The following AGBL4 variants were observed in gnomAD, a reference collection of about 807,000 sequenced individuals.
AGBL4 encodes the protein cytosolic carboxypeptidase 6.
In AGBL4, 58 loss-of-function variants were observed where a neutral mutation model predicts 66.4. The ratio of observed to expected loss-of-function variants is 0.87; its 90% CI spans 0.71 to 1.09. AGBL4 has a LOEUF of 1.09. Among genes scored for constraint, AGBL4 ranks in the 50% least tolerant of loss-of-function variants. The pLI is 0.00. For synonymous variants in AGBL4, 234 were observed against 222.9 expected (o/e 1.05, Z -0.44); for missense variants, 579 against 631.0 (o/e 0.92, Z 0.88).
At chr1:49,231,592 G>A (rs1373033744) in intron 4 of AGBL4, among the ~76,000 whole-genome samples, 1 of 152,148 alleles carries the variant, frequency 6.6e-6, no homozygotes, top group Non-Finnish European at 1.5e-5. Context: ...TCACCAGCCT[G>A]AATCTGATGC....
At chr1:49,932,660 A>G (rs185030351) in intron 1 of AGBL4, among the ~76,000 whole-genome samples, 4 of 152,226 alleles carry the variant, frequency 2.6e-5, no homozygotes, top group East Asian at 3.9e-4. Flanking sequence ...AGAAAGAATG[A>G]CAGCAGCAAA....
At chr1:49,981,586 A>C (rs1254360822) in intron 1 of AGBL4, among the ~76,000 whole-genome samples, 1 of 152,092 alleles carries the variant, frequency 6.6e-6, no homozygotes, top group Non-Finnish European at 1.5e-5. Context: ...CTATATATAA[A>C]TATGAAAGCA....
chr1:49,641,461 CAT>C (rs1189654548), intron 3 of AGBL4, among the ~76,000 whole-genome samples: 1 of 152,050 alleles, frequency 6.6e-6, no homozygotes, highest in African/African-American at 2.4e-5. Flanking sequence ...AACCTTATCA[CAT>C]GAGACTGCAA....
chr1:49,104,187 T>C (rs1645253044), intron 4 of AGBL4, among the ~76,000 whole-genome samples: 1 of 152,186 alleles, frequency 6.6e-6, no homozygotes, highest in Admixed American at 6.5e-5. Context: ...GTTCCTCCTC[T>C]GGGAGGCATT....
chr1:48,722,659 G>A (rs750400447), intron 6 of AGBL4, among the ~76,000 whole-genome samples: 1 of 152,154 alleles, frequency 6.6e-6, no homozygotes, highest in African/African-American at 2.4e-5. Flanking sequence ...AGAGAATAGA[G>A]GACTGGTAAC....
At chr1:48,666,783 C>T (rs1646195219) in intron 6 of AGBL4, among the ~76,000 whole-genome samples, 1 of 152,226 alleles carries the variant, frequency 6.6e-6, no homozygotes, top group African/African-American at 2.4e-5. Context: ...ATTATACTGT[C>T]TTCTAGGAAG....
At chr1:48,578,827 T>C (rs149763074) in intron 11 of AGBL4, among the ~76,000 whole-genome samples, 71 of 152,196 alleles carry the variant, frequency 4.7e-4, no homozygotes, top group African/African-American at 1.6e-3. Context: ...AGAGGTGAAA[T>C]GATTTAACCA....
chr1:49,697,558 C>G, intron 2 of AGBL4, 121 bp from the exon 3 acceptor site: 1 of 814,586 alleles, frequency 1.2e-6, no homozygotes, highest in Non-Finnish European at 1.8e-6. Flanking sequence ...CTTGAAGGTT[C>G]AGTGTTCACA....
intron 3 of AGBL4, among the ~76,000 whole-genome samples, chr1:49,293,411 A>C (rs1241612920): frequency 6.6e-6 from 1 of 152,210 alleles, no homozygotes; most frequent in Non-Finnish European, 1.5e-5. Flanking sequence ...GCCACTGGTC[A>C]CAGAGGTTTC....
chr1:49,551,561 T>A (rs1430914088), intron 3 of AGBL4, among the ~76,000 whole-genome samples: 4 of 152,188 alleles, frequency 2.6e-5, no homozygotes, highest in African/African-American at 9.7e-5. Context: ...GTGATTGTTG[T>A]TTCTCTTCTG....
At chr1:49,479,309 T>C (rs1392284276) in intron 3 of AGBL4, among the ~76,000 whole-genome samples, 2 of 151,960 alleles carry the variant, frequency 1.3e-5, no homozygotes, top group Non-Finnish European at 2.9e-5. Context: ...TTTACTTTTA[T>C]TTTAAGTTCA....
intron 11 of AGBL4, among the ~76,000 whole-genome samples, chr1:48,571,398 G>A (rs879905385): frequency 6.6e-6 from 1 of 152,272 alleles, no homozygotes; most frequent in Non-Finnish European, 1.5e-5. Context: ...AGAGGATGGT[G>A]TGAAGGATGC....
intron 3 of AGBL4, among the ~76,000 whole-genome samples, chr1:49,541,185 C>T (rs1198533264): frequency 6.6e-6 from 1 of 152,198 alleles, no homozygotes; most frequent in Non-Finnish European, 1.5e-5. Context: ...TGCTGGCAGC[C>T]CTCACTCACT....
intron 3 of AGBL4, among the ~76,000 whole-genome samples, chr1:49,297,951 G>T (rs981141291): frequency 1.1e-4 from 16 of 152,162 alleles, no homozygotes; most frequent in African/African-American, 3.9e-4. Flanking sequence ...ACAGGCATAT[G>T]ATTCCCATCT....
chr1:49,780,070 G>A (rs537002085), intron 2 of AGBL4, among the ~76,000 whole-genome samples: 1 of 152,162 alleles, frequency 6.6e-6, no homozygotes, highest in African/African-American at 2.4e-5. Flanking sequence ...GATAAAAATG[G>A]AGTGAATTTG....
intron 9 of AGBL4, among the ~76,000 whole-genome samples, chr1:48,616,632 G>T (rs1301267462): frequency 1.3e-5 from 2 of 152,178 alleles, no homozygotes; most frequent in African/African-American, 2.4e-5. Context: ...TTTGATAAAG[G>T]TGTGAGCATT....
chr1:49,059,411 G>A (rs534048406), intron 4 of AGBL4, among the ~76,000 whole-genome samples: 21 of 152,338 alleles, frequency 1.4e-4, no homozygotes, highest in African/African-American at 4.8e-4. Flanking sequence ...TTTCAGAGGA[G>A]GTATGGAAAT....
chr1:49,969,132 T>C (rs1468520109), intron 1 of AGBL4, among the ~76,000 whole-genome samples: 1 of 152,130 alleles, frequency 6.6e-6, no homozygotes, highest in Non-Finnish European at 1.5e-5. Flanking sequence ...AAACTATCAA[T>C]AGGAAAGAGG....
At chr1:49,028,221 G>C (rs1256691554) in intron 5 of AGBL4, among the ~76,000 whole-genome samples, 1 of 152,242 alleles carries the variant, frequency 6.6e-6, no homozygotes, top group Non-Finnish European at 1.5e-5. Context: ...AGGGAGGAAA[G>C]ATAGCTAAGA....
Sources: gnomAD v4.1 joint callset for allele counts (sites outside exome capture counted in the v4.1 genomes callset) on GRCh38, gnomAD v4.1.1 for gene constraint, MANE v1.5 for transcripts, NCBI Gene and HGNC (gene_info 2026-07-23, HGNC 2026-07-21) for gene names.